Variants in CDKN2B-AS1 observed in about 807,000 individuals in gnomAD.
CDKN2B-AS1 encodes CDKN2B and CDKN2A antisense cis and trans regulatory RNA 1.
intron 4 of CDKN2B-AS1, among the ~76,000 whole-genome samples, chr9:22,121,947 C>T (rs896774553): frequency 5.3e-5 from 8 of 151,964 alleles, no homozygotes; most frequent in Non-Finnish European, 1.0e-4. Context: ...TAGTACTATT[C>T]GTAGTTTTTT....
At position 22,091,160 on chromosome 9, in the gene CDKN2B-AS1, C is replaced by G. The variant is rs201197740; in HGVS notation, n.438+34773C>G. ...GTAGATATGTGGCATTATTTCTGAG[C>G]GCTTTGTTCTGTTCCATTGGTCTAT... On this transcript the variant is annotated intron_variant and non_coding_transcript_variant, in intron 4 of 4. Coordinates refer to ENST00000650946, the Ensembl canonical transcript of CDKN2B-AS1. 3.3e-5 allele frequency among the ~76,000 whole-genome samples: 5 copies of G among 152,158 alleles called. No homozygotes were observed. In the East Asian group the frequency reaches 5.8e-4, roughly 18 times the overall value.
chr9:22,010,420 T>C (rs1374891533), intron 1 of CDKN2B-AS1, among the ~76,000 whole-genome samples: 1 of 152,214 alleles, frequency 6.6e-6, no homozygotes, highest in Non-Finnish European at 1.5e-5. Flanking sequence ...ACAATTTTTG[T>C]TTACAGAATC....
intron 4 of CDKN2B-AS1, among the ~76,000 whole-genome samples, chr9:22,110,682 T>C (rs1278699481): frequency 6.6e-6 from 1 of 152,098 alleles, no homozygotes; most frequent in Admixed American, 6.6e-5. Context: ...CTAGAGTTTA[T>C]AGAAGAATTA....
intron 4 of CDKN2B-AS1, among the ~76,000 whole-genome samples, chr9:22,098,157 C>G (rs991655312): frequency 4.0e-4 from 58 of 146,114 alleles, no homozygotes; most frequent in Middle Eastern, 3.5e-3. Flanking sequence ...CTCTCTGTCT[C>G]TGTGTGTGTG....
intron 4 of CDKN2B-AS1, among the ~76,000 whole-genome samples, chr9:22,060,318 T>C (rs1823762509): frequency 6.6e-6 from 1 of 152,150 alleles, no homozygotes. Flanking sequence ...ATCATCTCTC[T>C]CAAGTTCAAA....
rs1554671373 is a variant in CDKN2B-AS1, at chr9:22,056,234, A to ATTTTTTTTTTTTT, written n.303-17_303-5dup. The ATTTTTTTTTTTTT allele has an allele frequency of 2.6e-4, 26 of 98,278 alleles. 1 individual carries two copies. In the South Asian group the frequency reaches 4.8e-3, roughly 18 times the overall value. The allele number at this position is 98,278 out of a possible 1,614,324, so 6.1% of individuals were successfully genotyped here. On this transcript the variant is annotated splice_polypyrimidine_tract_variant and intron_variant and non_coding_transcript_variant, in intron 3 of 4. Coordinates refer to ENST00000650946, the Ensembl canonical transcript of CDKN2B-AS1. The stretch of plus-strand genomic sequence containing the variant: ...TGTGTATATATATATATATATATAT[A>ATTTTTTTTTTTTT]TTTTTTTTTTTTTCCAGTAGAGACG...
chr9:22,074,360 A>G lies in CDKN2B-AS1; in HGVS notation n.438+17973A>G, dbSNP rs188478583. On this transcript the variant is annotated intron_variant and non_coding_transcript_variant, in intron 4 of 4. Coordinates refer to ENST00000650946, the Ensembl canonical transcript of CDKN2B-AS1. ...TGACTAGAAGAAAAAGTCAAGCCCA[A>G]TTTATTTTATCTGCAGGACTTGGTT... Among the ~76,000 whole-genome samples, 488 of 152,256 alleles carry G rather than the reference A, an allele frequency of 3.2e-3. 4 individuals are homozygous for G. The highest frequency in any genetic ancestry group is 5.4e-3 in the Admixed American group (82 of 15,296).
chr9:22,016,885 T>A (rs1486583000), intron 1 of CDKN2B-AS1, among the ~76,000 whole-genome samples: 1 of 152,216 alleles, frequency 6.6e-6, no homozygotes, highest in Non-Finnish European at 1.5e-5. Flanking sequence ...TAAACATAAT[T>A]GCTATGTTTT....
chr9:22,104,981 TATAG>T (rs1485671409), intron 4 of CDKN2B-AS1, among the ~76,000 whole-genome samples: 2 of 152,222 alleles, frequency 1.3e-5, no homozygotes, highest in East Asian at 3.8e-4. Flanking sequence ...AATAGGGGTC[TATAG>T]AGGTTAAGTC....
chr9:21,995,037 T>A (rs567984214), upstream of CDKN2B-AS1: 14 of 152,368 alleles, frequency 9.2e-5, no homozygotes, highest in African/African-American at 3.4e-4. This position sits in a 1 kb window ranked among gnomAD's most constrained non-coding sequence, Gnocchi z 5.7. Context: ...GCCGCTCCGC[T>A]CCTCTTCTAG....
rs148726500 is a variant in CDKN2B-AS1 at position 22,068,695 on chromosome 9, C to T, written n.438+12308C>T. On this transcript the variant is annotated intron_variant and non_coding_transcript_variant, in intron 4 of 4. Coordinates refer to ENST00000650946, the Ensembl canonical transcript of CDKN2B-AS1. The stretch of plus-strand genomic sequence containing the variant: ...TTACTGAATGAGCTCCTTTAGTAAA[C>T]GTGGATATGTGCTTTCTGAATCTAT... Among the ~76,000 whole-genome samples, 4 of 152,240 alleles carry T rather than the reference C, an allele frequency of 2.6e-5. No individual in the cohort carries two copies. In the East Asian group the frequency reaches 5.8e-4, roughly 22 times the overall value.
At chr9:22,032,936 T>C (rs1822538451) in intron 1 of CDKN2B-AS1, 1 of 151,976 alleles carries the variant, frequency 6.6e-6, no homozygotes, top group African/African-American at 2.4e-5. Flanking sequence ...AATTTTGTAC[T>C]GGTCTGTGGC....
intron 1 of CDKN2B-AS1, among the ~76,000 whole-genome samples, chr9:21,998,163 G>A (rs1181778469): frequency 2.0e-5 from 3 of 152,146 alleles, no homozygotes; most frequent in Admixed American, 2.0e-4. Flanking sequence ...GTATGCAGGG[G>A]AATTCTAAGT....
chr9:22,120,071 C>G (rs911322761), intron 4 of CDKN2B-AS1: 4 of 152,174 alleles, frequency 2.6e-5, no homozygotes, highest in African/African-American at 9.7e-5. Flanking sequence ...GGAAATAAAC[C>G]TTCCACTTAG....
intron 1 of CDKN2B-AS1, among the ~76,000 whole-genome samples, chr9:22,041,704 C>A (rs934634957): frequency 8.6e-5 from 13 of 151,954 alleles, no homozygotes; most frequent in Non-Finnish European, 1.5e-4. Flanking sequence ...ACTCTATTTT[C>A]TTTATATTTG....
intron 2 of CDKN2B-AS1, among the ~76,000 whole-genome samples, chr9:22,047,276 A>G (rs1290727039): frequency 6.6e-6 from 1 of 152,184 alleles, no homozygotes; most frequent in African/African-American, 2.4e-5. Context: ...AGCAAAATGC[A>G]TAAAGGAGAC....
chr9:22,106,465 C>G (rs1174518647), intron 4 of CDKN2B-AS1, among the ~76,000 whole-genome samples: 1 of 152,202 alleles, frequency 6.6e-6, no homozygotes, highest in African/African-American at 2.4e-5. Context: ...GATCTGCCCA[C>G]CTTGGCTTCC....
chr9:22,123,783 G>T (rs1309207042), intron 4 of CDKN2B-AS1, among the ~76,000 whole-genome samples: 1 of 152,146 alleles, frequency 6.6e-6, no homozygotes, highest in Non-Finnish European at 1.5e-5. Context: ...AGGACAAATG[G>T]ATGCAAATAG....
Position 22,013,437 on chromosome 9 carries a change from A to ATC in CDKN2B-AS1, n.29+18290_29+18291dup, listed in dbSNP as rs929559536. Among the ~76,000 whole-genome samples, 6 of 151,824 alleles carry ATC rather than the reference A, an allele frequency of 4.0e-5. No homozygotes were observed. In the East Asian group the frequency reaches 7.7e-4, roughly 20 times the overall value. On this transcript the variant is annotated intron_variant and non_coding_transcript_variant, in intron 1 of 4. Coordinates refer to ENST00000650946, the Ensembl canonical transcript of CDKN2B-AS1. ...GGTTGAAATTGCTACAGTCTCTTGT[A>ATC]TCTCTCTCTCTCTCTTTTTTTTCTT...
Sources: gnomAD v4.1 joint callset for allele counts (sites outside exome capture counted in the v4.1 genomes callset) on GRCh38, gnomAD v4.1.1 for gene constraint, Gnocchi (gnomAD v3.1) non-coding constraint, MANE v1.5 for transcripts, NCBI Gene and HGNC (gene_info 2026-07-23, HGNC 2026-07-21) for gene names.